SUCO: variants seen among roughly 807,000 people sequenced by gnomAD.
The protein encoded by SUCO is SUN domain containing ossification factor.
SUCO carries 57 observed loss-of-function variants against 148.1 expected under a neutral mutation model. That is an observed-to-expected ratio of 0.38 (90% CI 0.31 to 0.48). The LOEUF is 0.48. SUCO is among the 20% of genes least tolerant of loss of function. SUCO has a pLI of 0.96. For synonymous variants in SUCO, 470 were observed against 502.7 expected, an observed-to-expected ratio of 0.93 and a Z score of 0.87; for missense variants, 1,331 against 1,468.2, an observed-to-expected ratio of 0.91 and a Z score of 1.53.
intron 1 of SUCO, 115 bp from the exon 2 acceptor site, chr1:172,551,396 CT>C (rs1653285084): frequency 8.9e-6 from 5 of 561,266 alleles, no homozygotes; most frequent in Admixed American, 3.6e-5. Flanking sequence ...TAGGAACCAT[CT>C]GTCTGTTTAT....
intron 19 of SUCO, chr1:172,599,516 G>T: frequency 2.5e-6 from 1 of 407,442 alleles, no homozygotes; most frequent in Non-Finnish European, 3.3e-6. Context: ...CATTTTTGAT[G>T]CATTTCTTTC....
At chr1:172,545,036 G>A (rs1037510826) in intron 1 of SUCO, among the ~76,000 whole-genome samples, 1 of 152,108 alleles carries the variant, frequency 6.6e-6, no homozygotes, top group African/African-American at 2.4e-5. Flanking sequence ...TAAACAAGAT[G>A]GTCAAGGGAG....
At chr1:172,542,939 G>T in intron 1 of SUCO, 1 of 985,264 alleles carries the variant, frequency 1.0e-6, no homozygotes, top group Non-Finnish European at 1.2e-6. Flanking sequence ...GGAAGTGATT[G>T]ATAGCTTTTG....
At chr1:172,609,529 T>C (rs370813181) in intron 23 of SUCO, 6 of 970,842 alleles carry the variant, frequency 6.2e-6, no homozygotes, top group South Asian at 9.5e-5. Context: ...ACCTGTATGC[T>C]CTCTGGCAGT....
intron 22 of SUCO, among the ~76,000 whole-genome samples, chr1:172,604,399 C>A (rs1657726759): frequency 1.3e-5 from 2 of 151,820 alleles, no homozygotes; most frequent in Admixed American, 1.3e-4. Context: ...TCATTTATTT[C>A]TTCTGTTGTT....
At chr1:172,557,549 G>A in intron 5 of SUCO, 95 bp from the exon 6 acceptor site, 2 of 1,477,590 alleles carry the variant, frequency 1.4e-6, no homozygotes, top group African/African-American at 2.8e-5. Flanking sequence ...TTCTTCCTTG[G>A]TTTACTTTGT....
At chr1:172,556,242 A>G (rs748959768) in intron 4 of SUCO, among the ~76,000 whole-genome samples, 3 of 152,230 alleles carry the variant, frequency 2.0e-5, no homozygotes, top group Admixed American at 6.5e-5. Flanking sequence ...AACTAACTCA[A>G]TGAAGCTGAT....
intron 22 of SUCO, among the ~76,000 whole-genome samples, chr1:172,606,307 T>C (rs1476718117): frequency 6.6e-6 from 1 of 151,434 alleles, no homozygotes; most frequent in Non-Finnish European, 1.5e-5. Flanking sequence ...CTTCCATGCT[T>C]TCATTAAGAT....
rs1032738143 is a variant in SUCO, at chr1:172,588,102, T to C, written c.1659-658T>C. 5.1e-6 allele frequency: 5 copies of C among 985,192 alleles called. No homozygotes were observed. The African/African-American group carries it at 5.2e-5, about 10-fold the overall frequency. 61.0% of individuals were successfully genotyped at this position (985,192 alleles called of 1,614,324 possible). A position where few individuals can be genotyped will look rare whatever the true frequency, so the allele number is the denominator to read the frequency against. On this transcript the variant is annotated intron_variant, in intron 17 of 23. Transcript: ENST00000263688. ...TGGCTTAGAAGATTAGCCTAGATGA[T>C]AGCAAAATTATTTTAGGAAGGGAGA...
chr1:172,579,904 A>G lies in SUCO; in HGVS notation c.1498+637A>G, dbSNP rs1014953678. Among the ~76,000 whole-genome samples the G allele has an allele frequency of 2.4e-4, 36 of 152,282 alleles. 1 individual carries two copies. Among genetic ancestry groups the G allele is most frequent in the African/African-American group, 8.4e-4 (35 of 41,582 alleles). ...TCTGAAAAATGTAAAATTAACTACA[A>G]GTAGTTTTCTTTTTATTTGAAAATT... On this transcript the variant is annotated intron_variant, in intron 15 of 23. Coordinates refer to ENST00000263688, the MANE Select transcript of SUCO (RefSeq NM_014283.5).
At chr1:172,583,526 CT>C (rs1451715378) in intron 15 of SUCO, among the ~76,000 whole-genome samples, 1 of 152,124 alleles carries the variant, frequency 6.6e-6, no homozygotes, top group Non-Finnish European at 1.5e-5. Flanking sequence ...ACAGGATGAG[CT>C]CCAGGCAGCA....
chr1:172,592,111 A>G (rs947803392), intron 19 of SUCO, among the ~76,000 whole-genome samples: 9 of 151,910 alleles, frequency 5.9e-5, no homozygotes, highest in African/African-American at 1.9e-4. Flanking sequence ...TCCTTTCCCT[A>G]CTTTTTGATG....
chr1:172,590,099 G>T (rs1197187379), intron 18 of SUCO, among the ~76,000 whole-genome samples, 173 bp downstream of exon 18: 1 of 152,096 alleles, frequency 6.6e-6, no homozygotes, highest in Non-Finnish European at 1.5e-5. Context: ...GTGCCTTAAT[G>T]AATTGATTTT....
rs781322183 is a variant in SUCO, at chr1:172,600,210, A to G, written c.3018+42A>G. On this transcript the variant is annotated intron_variant, in intron 20 of 23. Transcript: ENST00000263688. ...GTATTGCGAGACCCAATGCATGTATAGAGGTTGTCATAAAGCCAGGCTTGT... is the reference window on the plus strand; with the variant it reads ...GTATTGCGAGACCCAATGCATGTATGGAGGTTGTCATAAAGCCAGGCTTGT... The G allele has an allele frequency of 2.2e-6, 3 of 1,348,836 alleles. 1 individual carries two copies. The highest frequency in any genetic ancestry group is 3.6e-4 in the Middle Eastern group (2 of 5,594). The allele number at this position is 1,348,836 out of a possible 1,614,324, so 83.6% of individuals were successfully genotyped here.
At chr1:172,562,306 T>A (rs1253954490) in intron 6 of SUCO, among the ~76,000 whole-genome samples, 1 of 151,980 alleles carries the variant, frequency 6.6e-6, no homozygotes, top group Non-Finnish European at 1.5e-5. Context: ...AATTAACATT[T>A]TAAGAAAATT....
chr1:172,541,801 T>C (rs1423248146), intron 1 of SUCO: 5 of 962,090 alleles, frequency 5.2e-6, no homozygotes, highest in Non-Finnish European at 4.9e-6. Context: ...AACTGCTTTC[T>C]TGGAGCACAC....
At chr1:172,597,089 T>TGA (rs1657161650) in intron 19 of SUCO, among the ~76,000 whole-genome samples, 1 of 152,174 alleles carries the variant, frequency 6.6e-6, no homozygotes, top group Non-Finnish European at 1.5e-5. Flanking sequence ...CTCCGAGCCA[T>TGA]GCACGGGATA....
At chr1:172,534,842 C>T (rs1357243152) in intron 1 of SUCO, among the ~76,000 whole-genome samples, 2 of 152,140 alleles carry the variant, frequency 1.3e-5, no homozygotes, top group Non-Finnish European at 2.9e-5. Context: ...TTTCCTCTTT[C>T]TTCTTGGTCT....
intron 23 of SUCO, chr1:172,609,323 T>A (rs1048629651): frequency 1.0e-6 from 1 of 985,160 alleles, no homozygotes; most frequent in African/African-American, 1.7e-5. Context: ...TATACTAATT[T>A]TAGTTGTAAT....
Sources: allele counts gnomAD v4.1 joint callset (sites outside exome capture counted in the v4.1 genomes callset), GRCh38; gene constraint gnomAD v4.1.1; transcripts MANE v1.5; gene names NCBI Gene and HGNC (gene_info 2026-07-23, HGNC 2026-07-21).